Variants in DPF3 observed in about 807,000 individuals in gnomAD.
DPF3 encodes the protein zinc finger protein DPF3.
A neutral mutation model predicts 56.8 loss-of-function variants in DPF3; 18 were observed. The ratio of observed to expected loss-of-function variants is 0.32; its 90% confidence interval spans 0.22 to 0.47. The LOEUF (loss-of-function observed/expected upper bound fraction) is 0.47, where lower values mean the gene tolerates loss of function less well. Ranked by LOEUF, DPF3 falls within the 20% of genes least tolerant of loss-of-function variation. The pLI is 1.00. For synonymous variants in DPF3, 188 were observed against 180.2 expected (o/e 1.04, Z -0.35); for missense variants, 403 against 488.8 (o/e 0.82, Z 1.65).
intron 1 of DPF3, among the ~76,000 whole-genome samples, chr14:72,846,578 T>C (rs1282999490): frequency 1.3e-5 from 2 of 151,764 alleles, no homozygotes; most frequent in Non-Finnish European, 2.9e-5. Flanking sequence ...CCTTGTGATC[T>C]GCCCACCTCG....
rs1329162569 is a variant in DPF3 at position 72,714,628 on chromosome 14, C to A, written c.526-127G>T. 5.7e-6 allele frequency: 6 copies of A among 1,046,806 alleles called. No homozygotes were observed. In the African/African-American group the frequency reaches 9.5e-5, roughly 17 times the overall value. The allele number at this position is 1,046,806 out of a possible 1,614,324, so 64.8% of individuals were successfully genotyped here. Reference sequence around the variant, plus strand: ...TTGTGCCAACACCAGTCCCATCTTACAGGGGAGGAAACTGAGGCCCAGAGA... The same window carrying A: ...TTGTGCCAACACCAGTCCCATCTTAAAGGGGAGGAAACTGAGGCCCAGAGA... On this transcript the variant is annotated intron_variant, in intron 5 of 10. Transcript: ENST00000556509.
At chr14:72,735,639 C>T (rs536036955) in intron 3 of DPF3, among the ~76,000 whole-genome samples, 1 of 152,324 alleles carries the variant, frequency 6.6e-6, no homozygotes, top group Admixed American at 6.5e-5. Context: ...CATGTAGTGG[C>T]ATCTTGCTTC....
intron 7 of DPF3, chr14:72,679,393 CTGCCAGGGCCTGGTGTGCACAAA>C (rs1321414552): frequency 6.6e-6 from 1 of 152,506 alleles, no homozygotes; most frequent in Non-Finnish European, 1.5e-5. Context: ...CTCTGACCAC[CTGCCAGGGCCTGGTGTGCACAAA>C]TGCGCGGCCA....
At chr14:72,822,574 C>G (rs77082748) in intron 1 of DPF3, among the ~76,000 whole-genome samples, 1 of 152,054 alleles carries the variant, frequency 6.6e-6, no homozygotes, top group Non-Finnish European at 1.5e-5. Flanking sequence ...TACTGAAAGA[C>G]TAGGGTCTGA....
At chr14:72,649,248 C>T (rs1885822077) in intron 8 of DPF3, among the ~76,000 whole-genome samples, 1 of 152,098 alleles carries the variant, frequency 6.6e-6, no homozygotes, top group Non-Finnish European at 1.5e-5. Flanking sequence ...TGGGAAAATC[C>T]TCATCCCAAG....
At chr14:72,787,929 A>T (rs982390814) in intron 1 of DPF3, among the ~76,000 whole-genome samples, 2 of 152,200 alleles carry the variant, frequency 1.3e-5, no homozygotes, top group Non-Finnish European at 2.9e-5. Context: ...TTATTTGTCA[A>T]ATATTTAGAG....
intron 9 of DPF3, among the ~76,000 whole-genome samples, chr14:72,625,830 T>C (rs915710990): frequency 6.6e-6 from 1 of 152,156 alleles, no homozygotes; most frequent in Non-Finnish European, 1.5e-5. Context: ...CTTCCCCCCT[T>C]TATTTGGTTA....
chr14:72,887,347 T>G lies in DPF3; in HGVS notation c.32+6710A>C, dbSNP rs143490237. On this transcript the variant is annotated intron_variant, in intron 1 of 10. Transcript: ENST00000556509. Reference sequence around the variant, plus strand: ...GGGATGCTAGTGAGAAGAAAATCACTGAAAAGGAAGAGCCAGAGGAAAAGC... The same window carrying G: ...GGGATGCTAGTGAGAAGAAAATCACGGAAAAGGAAGAGCCAGAGGAAAAGC... Among the ~76,000 whole-genome samples the G allele has an allele frequency of 3.7e-4, 57 of 152,200 alleles. No individual in the cohort carries two copies. In the East Asian group the frequency reaches 0.01, roughly 28 times the overall value.
chr14:72,761,437 G>A (rs189087902), intron 2 of DPF3, among the ~76,000 whole-genome samples: 1 of 152,150 alleles, frequency 6.6e-6, no homozygotes, highest in East Asian at 1.9e-4. Context: ...CGTCCCAAGT[G>A]TTTGGAAACT....
chr14:72,776,357 G>A (rs1368939366), intron 1 of DPF3, among the ~76,000 whole-genome samples: 1 of 152,166 alleles, frequency 6.6e-6, no homozygotes, highest in Non-Finnish European at 1.5e-5. Context: ...TCTGGTTGCA[G>A]CAGTGCTGGC....
intron 8 of DPF3, among the ~76,000 whole-genome samples, chr14:72,643,751 G>A (rs1885630649): frequency 6.6e-6 from 1 of 152,200 alleles, no homozygotes; most frequent in African/African-American, 2.4e-5. Context: ...ACAAAAGACG[G>A]CTGGCATCCA....
At chr14:72,645,396 C>A (rs1885692850) in intron 8 of DPF3, among the ~76,000 whole-genome samples, 1 of 151,824 alleles carries the variant, frequency 6.6e-6, no homozygotes, top group Non-Finnish European at 1.5e-5. Context: ...GCCTCCTTGG[C>A]TCAAGCAATC....
intron 1 of DPF3, among the ~76,000 whole-genome samples, chr14:72,773,314 A>C (rs559253069): frequency 3.3e-5 from 5 of 151,840 alleles, no homozygotes; most frequent in Non-Finnish European, 7.4e-5. Context: ...TTATATTTTT[A>C]GTAGAGACAG....
At chr14:72,811,174 G>A (rs1428571834) in intron 1 of DPF3, among the ~76,000 whole-genome samples, 3 of 152,162 alleles carry the variant, frequency 2.0e-5, no homozygotes, top group Non-Finnish European at 1.5e-5. Flanking sequence ...CCAAGTGGAC[G>A]GTGCTAAGCC....
At chr14:72,752,389 A>G (rs1404462520) in intron 3 of DPF3, among the ~76,000 whole-genome samples, 1 of 152,242 alleles carries the variant, frequency 6.6e-6, no homozygotes, top group Non-Finnish European at 1.5e-5. Context: ...TAGGCCAGGC[A>G]TGGTGGCTCA....
Position 72,671,234 on chromosome 14 carries a change from G to A in DPF3, c.871+3006C>T, listed in dbSNP as rs750396064. 7 of 1,613,810 alleles carry A rather than the reference G, an allele frequency of 4.3e-6. No homozygotes were observed. The highest frequency in any genetic ancestry group is 3.3e-5 in the Admixed American group (2 of 60,002). ...TCCAAATCGTCCTCATCAAAGCCGTGGAAAGTTGACGTGTCACTTTCTGAC... is the reference window on the plus strand; with the variant it reads ...TCCAAATCGTCCTCATCAAAGCCGTAGAAAGTTGACGTGTCACTTTCTGAC... On this transcript the variant is annotated intron_variant, in intron 8 of 10. Transcript: ENST00000556509.
At chr14:72,730,663 T>G (rs1889603670) in intron 4 of DPF3, among the ~76,000 whole-genome samples, 1 of 151,532 alleles carries the variant, frequency 6.6e-6, no homozygotes, top group Non-Finnish European at 1.5e-5. Context: ...AATTAATAAA[T>G]TTATTGAATA....
intron 2 of DPF3, among the ~76,000 whole-genome samples, chr14:72,755,941 T>G (rs1488076676): frequency 1.3e-5 from 2 of 152,140 alleles, no homozygotes; most frequent in African/African-American, 4.8e-5. Context: ...CCATGAGACT[T>G]ATGTTGTTTA....
At chr14:72,809,474 A>G (rs912273949) in intron 1 of DPF3, among the ~76,000 whole-genome samples, 4 of 152,078 alleles carry the variant, frequency 2.6e-5, no homozygotes, top group Non-Finnish European at 4.4e-5. Context: ...CCCTCTCCCA[A>G]CTTATGTGCA....
Sources: allele counts gnomAD v4.1 joint callset (sites outside exome capture counted in the v4.1 genomes callset), GRCh38; gene constraint gnomAD v4.1.1; transcripts MANE v1.5; gene names NCBI Gene and HGNC (gene_info 2026-07-23, HGNC 2026-07-21).